DPEP1: variants seen among roughly 807,000 people sequenced by gnomAD.
DPEP1 encodes dipeptidase 1, also known as beta-lactamase.
Under a neutral mutation model 42.3 loss-of-function variants are expected in DPEP1, and 50 were observed. That is an observed-to-expected ratio of 1.18 (90% CI 0.94 to 1.50). The LOEUF is 1.50. DPEP1 is among the 40% of genes most tolerant of loss of function. DPEP1 has a pLI of 0.00. For missense variants in DPEP1, 663 were observed against 553.0 expected, an observed-to-expected ratio of 1.20 and a Z score of -1.99; for synonymous variants, 297 against 234.0, an observed-to-expected ratio of 1.27 and a Z score of -2.46.
intron 1 of DPEP1, among the ~76,000 whole-genome samples, chr16:89,623,082 C>T (rs72805582): frequency 0.015 from 2,263 of 152,208 alleles, 25 homozygotes; most frequent in South Asian, 0.05. Flanking sequence ...CCCTAACCCC[C>T]ACACAGCCAG....
chr16:89,616,065 T>C (rs1320172561), intron 1 of DPEP1, among the ~76,000 whole-genome samples: 16 of 151,440 alleles, frequency 1.1e-4, no homozygotes. Flanking sequence ...AGAGCAAGAC[T>C]TCATCTCAAA....
chr16:89,614,651 C>T (rs558115221), intron 1 of DPEP1, among the ~76,000 whole-genome samples: 68 of 152,228 alleles, frequency 4.5e-4, no homozygotes, highest in African/African-American at 1.5e-3. Context: ...AAAAATTAGC[C>T]GGGCGTGGTG....
Position 89,636,929 on chromosome 16 carries a change from T to C in DPEP1, c.585T>C (p.Phe195=). The C allele has an allele frequency of 6.2e-7, 1 of 1,612,370 alleles. No homozygotes were observed. The highest frequency in any genetic ancestry group is 1.3e-5 in the African/African-American group (1 of 75,044). The part of the protein sequence containing the change: ...SEPQSQGLSP[F]GQRVVKELNR... ...CCCAGAGCCAAGGCTTGTCACCCTT[T>C]GGGCAGGTGAGTGGGGTGGGAGCGG... The change falls in exon 6 of 11, where the codon TTT becomes TTC. Residue 195 remains phenylalanine (F), a synonymous_variant. Transcript: ENST00000690203.
At chr16:89,615,613 C>T (rs1415790809) in intron 1 of DPEP1, among the ~76,000 whole-genome samples, 6 of 152,206 alleles carry the variant, frequency 3.9e-5, no homozygotes, top group African/African-American at 1.4e-4. Flanking sequence ...AGCCCACAGG[C>T]AGAGCCCACC....
chr16:89,613,599 T>A (rs2059351240), upstream of DPEP1: 1 of 152,338 alleles, frequency 6.6e-6, no homozygotes, highest in African/African-American at 2.4e-5. Context: ...TTCACCTTCC[T>A]GAGGAGGGGC....
At chr16:89,637,773 G>A in intron 9 of DPEP1, 63 bp from the exon 10 acceptor site, 5 of 1,612,766 alleles carry the variant, frequency 3.1e-6, no homozygotes, top group Non-Finnish European at 4.2e-6. Flanking sequence ...AGAGGGATGA[G>A]GTGGCTGGAG....
At chr16:89,639,023 C>T (rs1287881133), downstream of DPEP1, among the ~76,000 whole-genome samples, 5 of 86,684 alleles carry the variant, frequency 5.8e-5, no homozygotes, top group African/African-American at 1.0e-4. Context: ...CACCCCTGCA[C>T]GCACACACCC....
At chr16:89,620,513 C>T (rs905128654) in intron 1 of DPEP1, 24 of 152,290 alleles carry the variant, frequency 1.6e-4, no homozygotes, top group African/African-American at 5.8e-4. Flanking sequence ...GCCGGATGCT[C>T]AAGGCCTCAC....
chr16:89,617,707 C>CACCTGTAATCCCAGCGCTTTGGGA lies in DPEP1; in HGVS notation c.-107+3988_-107+3989insACCTGTAATCCCAGCGCTTTGGGA, dbSNP rs1567979100. On this transcript the variant is annotated intron_variant, in intron 1 of 10. Coordinates refer to ENST00000690203, the MANE Select transcript of DPEP1 (RefSeq NM_001389466.1). Reference sequence around the variant, plus strand: ...TCCCAGCACTTTGGGAGGTTGGGCACGGTGGCTCACACCTGTAATCCCAGC... The same window carrying CACCTGTAATCCCAGCGCTTTGGGA: ...TCCCAGCACTTTGGGAGGTTGGGCACACCTGTAATCCCAGCGCTTTGGGAGGTGGCTCACACCTGTAATCCCAGC... 3.3e-3 allele frequency among the ~76,000 whole-genome samples: 231 copies of CACCTGTAATCCCAGCGCTTTGGGA among 70,328 alleles called. 94 individuals are homozygous for CACCTGTAATCCCAGCGCTTTGGGA. Among genetic ancestry groups the CACCTGTAATCCCAGCGCTTTGGGA allele is most frequent in the South Asian group, 0.017 (32 of 1,882 alleles). 46.1% of individuals were successfully genotyped at this position (70,328 alleles called of 152,430 possible). A position where few individuals can be genotyped will look rare whatever the true frequency, so the allele number is the denominator to read the frequency against.
rs1226378345 is a variant in DPEP1 at position 89,637,280 on chromosome 16, C to T, written c.668C>T (p.Thr223Ile). The T allele has an allele frequency of 6.8e-6, 11 of 1,612,744 alleles. No individual in the cohort carries two copies. Among genetic ancestry groups the T allele is most frequent in the Non-Finnish European group, 9.3e-6 (11 of 1,179,974 alleles). Residue 223 changes from threonine to isoleucine, a missense_variant, in exon 7 of 11, where the codon ACC (threonine) becomes ATC (isoleucine). Coordinates refer to ENST00000690203, the MANE Select transcript of DPEP1 (RefSeq NM_001389466.1). Reference protein sequence around the residue: ...AHVSVATMKATLQLSRAPVIF... With the variant: ...AHVSVATMKAILQLSRAPVIF... ...GTGTCTGTGGCCACCATGAAGGCCA[C>T]CCTGCAGCTGTCCAGAGCCCCGGTC...
chr16:89,640,020 C>A (rs1227737781), downstream of DPEP1, among the ~76,000 whole-genome samples: 1 of 152,168 alleles, frequency 6.6e-6, no homozygotes, highest in African/African-American at 2.4e-5. Context: ...ATCGGCGTGG[C>A]CCCCAGGCTC....
chr16:89,622,805 G>A (rs951853703), intron 1 of DPEP1, among the ~76,000 whole-genome samples: 7 of 150,962 alleles, frequency 4.6e-5, no homozygotes, highest in East Asian at 2.0e-4. Flanking sequence ...AAACACACTC[G>A]TCAGACAATA....
intron 1 of DPEP1, among the ~76,000 whole-genome samples, chr16:89,617,733 A>G (rs112574748): frequency 0.052 from 2,994 of 57,522 alleles, 3 homozygotes; most frequent in Admixed American, 0.086. Flanking sequence ...TAATCCCAGC[A>G]CTTTGGGAGG....
At chr16:89,639,529 C>A (rs1487739980), downstream of DPEP1, among the ~76,000 whole-genome samples, 34 of 132,006 alleles carry the variant, frequency 2.6e-4, no homozygotes, top group Non-Finnish European at 4.5e-4. Context: ...GCACACACAC[C>A]CCCACCTCTG....
intron 2 of DPEP1, among the ~76,000 whole-genome samples, chr16:89,631,000 T>G (rs1038811838): frequency 6.6e-6 from 1 of 151,922 alleles, no homozygotes; most frequent in African/African-American, 2.4e-5. Flanking sequence ...AAGGCCACAC[T>G]CCCTGGTCCC....
At chr16:89,624,766 C>G (rs1597750752) in intron 1 of DPEP1, among the ~76,000 whole-genome samples, 1 of 152,208 alleles carries the variant, frequency 6.6e-6, no homozygotes, top group East Asian at 1.9e-4. Flanking sequence ...AACTCCCGGC[C>G]TCAGGTGATA....
rs543287105 is a variant in DPEP1 at position 89,635,963 on chromosome 16, G to A, written c.160G>A (p.Glu54Lys). The change falls in exon 3 of 11, where the codon GAG becomes AAG. Residue 54 changes from glutamate to lysine, a missense_variant. Glu to Lys is a moderately conservative substitution (Grantham distance 56). Coordinates refer to ENST00000690203, the MANE Select transcript of DPEP1 (RefSeq NM_001389466.1). ...LDMFNNRLQD[E>K]RANLTTLAGT... ...TATGTTCAACAACCGGCTGCAGGAC[G>A]AGAGGGCCAACCTGACCACCTTGGC... The A allele has an allele frequency of 8.1e-6, 13 of 1,612,170 alleles. No individual in the cohort carries two copies. The highest frequency in any genetic ancestry group is 2.7e-5 in the African/African-American group (2 of 75,038).
chr16:89,636,660 C>T lies in DPEP1; in HGVS notation c.498C>T (p.Leu166=). ...AGCTGGGCATGCGGTACCTGACCCTCACCCACAGCTGCAACACGCCCTGGT... is the reference window on the plus strand; with the variant it reads ...AGCTGGGCATGCGGTACCTGACCCTTACCCACAGCTGCAACACGCCCTGGT... ...LYQLGMRYLT[L]THSCNTPWAD... Residue 166 remains leucine (L), a synonymous_variant, in exon 5 of 11, where the codon CTC becomes CTT. Transcript: ENST00000690203. 1 of 1,612,550 alleles carries T rather than the reference C, an allele frequency of 6.2e-7. No individual in the cohort carries two copies. The highest frequency in any genetic ancestry group is 1.3e-5 in the African/African-American group (1 of 75,054).
At chr16:89,639,618 C>A (rs916031800), downstream of DPEP1, among the ~76,000 whole-genome samples, 1 of 151,190 alleles carries the variant, frequency 6.6e-6, no homozygotes, top group African/African-American at 2.4e-5. Flanking sequence ...ACACCCCCTG[C>A]ACCTGCTCAT....
Sources: allele counts gnomAD v4.1 joint callset (sites outside exome capture counted in the v4.1 genomes callset), GRCh38; gene constraint gnomAD v4.1.1; transcripts MANE v1.5; gene names NCBI Gene and HGNC (gene_info 2026-07-23, HGNC 2026-07-21).